The following TBC1D8 variants were observed in gnomAD, a reference collection of about 807,000 sequenced individuals.
TBC1D8 encodes BUB2-like protein 1.
Under a neutral mutation model 118.8 loss-of-function variants are expected in TBC1D8, and 65 were observed. The ratio of observed to expected loss-of-function variants is 0.55; its 90% CI spans 0.45 to 0.67. The LOEUF (loss-of-function observed/expected upper bound fraction) is 0.67, where lower values mean the gene tolerates loss of function less well. Ranked by LOEUF, TBC1D8 falls within the 30% of genes least tolerant of loss-of-function variation. TBC1D8 has a pLI of 0.00. For synonymous variants in TBC1D8, 566 were observed against 595.8 expected (o/e 0.95, Z 0.73); for missense variants, 1,376 against 1,471.2 (o/e 0.94, Z 1.06).
intron 5 of TBC1D8, among the ~76,000 whole-genome samples, chr2:101,042,185 A>C (rs1157563800): frequency 6.6e-6 from 1 of 152,122 alleles, no homozygotes; most frequent in Non-Finnish European, 1.5e-5. Context: ...GTTGATGAGG[A>C]GGAAAGAAGG....
At position 101,037,562 on chromosome 2, in the gene TBC1D8, C is replaced by G. The variant is rs1387484313; in HGVS notation, c.1422G>C (p.Gln474His). 2 of 1,613,000 alleles carry G rather than the reference C, an allele frequency of 1.2e-6. No homozygotes were observed. Among genetic ancestry groups the G allele is most frequent in the Admixed American group, 1.7e-5 (1 of 60,024 alleles). Residue 474 changes from glutamine (Q) to histidine (H), a missense_variant, in exon 8 of 20, where the codon CAG becomes CAC. Transcript: ENST00000409318. ...GGGAGTCAGGGCTCTGGCTGCCTGACTGCTGGAAGGCGGTGACCAGGGCAT... is the reference window on the plus strand; with the variant it reads ...GGGAGTCAGGGCTCTGGCTGCCTGAGTGCTGGAAGGCGGTGACCAGGGCAT... ...HPDALVTAFQ[Q>H]SGSQSPDSRM... is the part of the protein sequence containing the mutation.
intron 17 of TBC1D8, among the ~76,000 whole-genome samples, chr2:101,014,260 A>G (rs17025184): frequency 0.03 from 4,596 of 151,728 alleles, 252 homozygotes; most frequent in African/African-American, 0.1. Flanking sequence ...CTTCTGTGGC[A>G]TTTTAACTCA....
chr2:101,009,150 T>C (rs1678981732), intron 19 of TBC1D8, among the ~76,000 whole-genome samples: 1 of 151,544 alleles, frequency 6.6e-6, no homozygotes, highest in South Asian at 2.1e-4. Flanking sequence ...TCCCAGCACT[T>C]TGGGAGGCCA....
intron 1 of TBC1D8, among the ~76,000 whole-genome samples, chr2:101,108,115 T>C (rs1368542078): frequency 1.3e-5 from 2 of 151,146 alleles, no homozygotes; most frequent in Non-Finnish European, 3.0e-5. Context: ...GAGGGGAGAA[T>C]GTACCCTTGA....
At chr2:101,111,771 A>G (rs1489567480) in intron 1 of TBC1D8, among the ~76,000 whole-genome samples, 1 of 152,242 alleles carries the variant, frequency 6.6e-6, no homozygotes, top group Non-Finnish European at 1.5e-5. Context: ...TATTGGGTGC[A>G]GAGATTCAGT....
intron 2 of TBC1D8, among the ~76,000 whole-genome samples, chr2:101,070,820 G>A (rs779864807): frequency 7.2e-5 from 11 of 152,020 alleles, no homozygotes; most frequent in Non-Finnish European, 8.8e-5. Flanking sequence ...TATCATCCAC[G>A]TATCAAACAA....
chr2:101,150,482 TC>T (rs1453446800), intron 1 of TBC1D8, among the ~76,000 whole-genome samples: 1 of 152,238 alleles, frequency 6.6e-6, no homozygotes. Context: ...CTTTGTTTTA[TC>T]ATCAACTTTA....
intron 10 of TBC1D8, 48 bp downstream of exon 10, chr2:101,033,496 G>A (rs1483691920): frequency 3.7e-6 from 6 of 1,607,278 alleles, no homozygotes; most frequent in Non-Finnish European, 5.1e-6. Context: ...AGGACAACAT[G>A]AGACACCAAC....
chr2:101,109,026 T>C (rs1472750960), intron 1 of TBC1D8, among the ~76,000 whole-genome samples: 2 of 152,170 alleles, frequency 1.3e-5, no homozygotes, highest in East Asian at 3.8e-4. Context: ...AAAATAAAGT[T>C]TATTTTTTTA....
chr2:101,054,598 G>A (rs1370237766), intron 3 of TBC1D8, among the ~76,000 whole-genome samples: 3 of 148,706 alleles, frequency 2.0e-5, no homozygotes, highest in East Asian at 2.0e-4. Context: ...GCCACTTACC[G>A]ATCATGAGGC....
intron 2 of TBC1D8, among the ~76,000 whole-genome samples, chr2:101,080,607 G>A (rs995973631): frequency 8.5e-5 from 13 of 152,144 alleles, no homozygotes; most frequent in African/African-American, 2.7e-4. Context: ...TGACACACCC[G>A]CAGTGTTACC....
chr2:101,056,446 C>T (rs909870591), intron 3 of TBC1D8, among the ~76,000 whole-genome samples: 4 of 152,072 alleles, frequency 2.6e-5, no homozygotes, highest in African/African-American at 9.7e-5. Flanking sequence ...TCATGATCCA[C>T]CCGCCTCCCA....
At chr2:101,080,232 G>A (rs1026282781) in intron 2 of TBC1D8, among the ~76,000 whole-genome samples, 10 of 152,096 alleles carry the variant, frequency 6.6e-5, no homozygotes, top group African/African-American at 1.4e-4. Context: ...CACCCCGAGC[G>A]TGACCGAAAA....
intron 12 of TBC1D8, chr2:101,028,655 C>T (rs1453792808): frequency 2.0e-6 from 1 of 497,648 alleles, no homozygotes; most frequent in East Asian, 3.1e-5. Context: ...TGAAACTCTC[C>T]AGTGAAGTAA....
chr2:101,107,237 A>G (rs1677281495), intron 1 of TBC1D8, among the ~76,000 whole-genome samples: 1 of 152,226 alleles, frequency 6.6e-6, no homozygotes, highest in Non-Finnish European at 1.5e-5. Context: ...TCAGCTTACT[A>G]TAGATACAAA....
At chr2:101,039,748 C>A (rs928699783) in intron 6 of TBC1D8, among the ~76,000 whole-genome samples, 2 of 151,504 alleles carry the variant, frequency 1.3e-5, no homozygotes, top group Admixed American at 6.6e-5. Flanking sequence ...AAAAGCCAGG[C>A]AATTTACCAT....
At chr2:101,110,266 G>A (rs1677510554) in intron 1 of TBC1D8, among the ~76,000 whole-genome samples, 1 of 152,186 alleles carries the variant, frequency 6.6e-6, no homozygotes, top group Non-Finnish European at 1.5e-5. Flanking sequence ...GCCTTCCCAT[G>A]GCTTAATGGT....
intron 17 of TBC1D8, among the ~76,000 whole-genome samples, chr2:101,012,501 A>G (rs1183755339): frequency 6.6e-6 from 1 of 152,184 alleles, no homozygotes; most frequent in Non-Finnish European, 1.5e-5. Context: ...CAGAAACAGA[A>G]AGCTGCCTAC....
At chr2:101,009,728 GAAAA>G (rs986817597) in intron 19 of TBC1D8, among the ~76,000 whole-genome samples, 1 of 149,398 alleles carries the variant, frequency 6.7e-6, no homozygotes, top group Admixed American at 6.7e-5. Context: ...GTGGTCAAAA[GAAAA>G]AAAAGACTGA....
Sources: allele counts gnomAD v4.1 joint callset (sites outside exome capture counted in the v4.1 genomes callset), GRCh38; gene constraint gnomAD v4.1.1; transcripts MANE v1.5; gene names NCBI Gene and HGNC (gene_info 2026-07-23, HGNC 2026-07-21).